MANBA: variants seen among roughly 807,000 people sequenced by gnomAD.
The protein encoded by MANBA is mannosidase beta, also known as beta-mannosidase.
A neutral mutation model predicts 111.1 loss-of-function variants in MANBA; 83 were observed. That is an observed-to-expected ratio of 0.75 (90% CI 0.63 to 0.90). The LOEUF is 0.90. MANBA is among the 40% of genes least tolerant of loss of function. The pLI is 0.00. For missense variants in MANBA, 1,036 were observed against 1,069.0 expected, an observed-to-expected ratio of 0.97 and a Z score of 0.43; for synonymous variants, 370 against 378.7, an observed-to-expected ratio of 0.98 and a Z score of 0.27.
At chr4:102,754,632 T>C (rs1250639253) in intron 1 of MANBA, among the ~76,000 whole-genome samples, 2 of 151,894 alleles carry the variant, frequency 1.3e-5, no homozygotes, top group South Asian at 2.1e-4. Context: ...TCTTGGCTCA[T>C]TGCAAGCTCC....
At chr4:102,666,130 C>T (rs1731209337) in intron 10 of MANBA, 1 of 152,180 alleles carries the variant, frequency 6.6e-6, no homozygotes, top group South Asian at 2.1e-4. Flanking sequence ...TCAGTAGCAC[C>T]GTGTTACACA....
At chr4:102,751,020 T>A (rs1461641133) in intron 1 of MANBA, among the ~76,000 whole-genome samples, 3 of 152,222 alleles carry the variant, frequency 2.0e-5, no homozygotes, top group Non-Finnish European at 4.4e-5. Flanking sequence ...AGGTGATGGA[T>A]ACATGAAATT....
intron 5 of MANBA, among the ~76,000 whole-genome samples, chr4:102,705,561 TACCTGGAGCG>T (rs1359619794): frequency 6.6e-6 from 1 of 152,152 alleles, no homozygotes; most frequent in Non-Finnish European, 1.5e-5. Flanking sequence ...TTATCTCCAC[TACCTGGAGCG>T]AAAGTGCATG....
chr4:102,735,195 G>A (rs768691941), intron 1 of MANBA, among the ~76,000 whole-genome samples: 2 of 152,168 alleles, frequency 1.3e-5, no homozygotes, highest in African/African-American at 4.8e-5. Flanking sequence ...CCCAGGCCAG[G>A]GTAGGCAGTG....
intron 1 of MANBA, chr4:102,730,471 G>C (rs547666594): frequency 7.7e-6 from 4 of 518,534 alleles, no homozygotes; most frequent in Non-Finnish European, 1.5e-5. Flanking sequence ...TGCACTGCGG[G>C]GGCGGTTCCT....
chr4:102,689,377 T>C (rs1172185563), intron 7 of MANBA, among the ~76,000 whole-genome samples, 197 bp downstream of exon 7: 1 of 103,188 alleles, frequency 9.7e-6, no homozygotes, highest in Non-Finnish European at 2.2e-5. Context: ...TATATATATA[T>C]ATGTGTGTGT....
intron 5 of MANBA, among the ~76,000 whole-genome samples, chr4:102,696,770 C>CT (rs1049674212): frequency 1.3e-5 from 2 of 152,144 alleles, no homozygotes; most frequent in African/African-American, 4.8e-5. Flanking sequence ...CTTCCTCCAT[C>CT]TTTAATAGAG....
intron 7 of MANBA, among the ~76,000 whole-genome samples, chr4:102,677,808 T>C (rs964359013): frequency 2.6e-5 from 4 of 152,194 alleles, no homozygotes; most frequent in African/African-American, 9.7e-5. Flanking sequence ...TGTAAAACTG[T>C]CATTATTTCC....
chr4:102,737,733 C>T (rs898112984), intron 1 of MANBA, among the ~76,000 whole-genome samples: 14 of 152,130 alleles, frequency 9.2e-5, no homozygotes, highest in East Asian at 7.7e-4. Flanking sequence ...CCGCCCGCCT[C>T]GGCCTCCCAA....
intron 1 of MANBA, among the ~76,000 whole-genome samples, chr4:102,734,975 T>G (rs1723158198): frequency 6.6e-6 from 1 of 152,164 alleles, no homozygotes; most frequent in South Asian, 2.1e-4. Context: ...CATTTTGGAG[T>G]CATTATCTAA....
chr4:102,731,298 C>T (rs1259046548), intron 1 of MANBA, among the ~76,000 whole-genome samples: 2 of 152,192 alleles, frequency 1.3e-5, no homozygotes, highest in Admixed American at 6.5e-5. Context: ...TCTCATTGCC[C>T]TGTGGTTCTC....
At chr4:102,660,940 C>T (rs1422060211) in intron 11 of MANBA, among the ~76,000 whole-genome samples, 2 of 151,934 alleles carry the variant, frequency 1.3e-5, no homozygotes, top group Non-Finnish European at 2.9e-5. Flanking sequence ...TTCCTCCTCT[C>T]CCCCAAAATG....
chr4:102,690,924 A>C (rs113457530), intron 5 of MANBA, 153 bp from the exon 6 acceptor site: 2 of 233,880 alleles, frequency 8.6e-6, no homozygotes, highest in Non-Finnish European at 1.6e-5. Flanking sequence ...ACTTCGTGGA[A>C]ATTTTCTTTT....
chr4:102,666,679 T>C (rs570588035), intron 10 of MANBA: 127 of 152,314 alleles, frequency 8.3e-4, no homozygotes, highest in African/African-American at 2.9e-3. Flanking sequence ...TCTTACACCT[T>C]ACCCAGAGGT....
In MANBA at chr4:102,760,772, G is replaced by A. The variant is rs769798393; in HGVS notation, c.123C>T (p.Pro41=). Residue 41 remains proline, a synonymous_variant, in exon 1 of 17, where the codon CCC becomes CCT. Transcript: ENST00000647097. The part of the protein sequence containing the change: ...ICNGNGSLEL[P]GAVPGCVHSA... The stretch of plus-strand genomic sequence containing the variant: ...TGTGCACGCAGCCAGGGACCGCCCC[G>A]GGCAGCTCCAGCGAGCCGTTCCCAT... 3 of 1,551,412 alleles carry A rather than the reference G, an allele frequency of 1.9e-6. No individual in the cohort carries two copies. Among genetic ancestry groups the A allele is most frequent in the African/African-American group, 1.4e-5 (1 of 73,300 alleles).
intron 13 of MANBA, among the ~76,000 whole-genome samples, chr4:102,647,995 T>C (rs1730175195): frequency 6.6e-6 from 1 of 152,116 alleles, no homozygotes; most frequent in Non-Finnish European, 1.5e-5. Context: ...TCAGATCAAC[T>C]TTATTATTGG....
intron 6 of MANBA, 61 bp from the exon 7 acceptor site, chr4:102,689,745 G>A (rs537110098): frequency 1.1e-6 from 1 of 931,146 alleles, no homozygotes; most frequent in South Asian, 1.3e-5. Context: ...AAGGCTCAAA[G>A]CATTACATCA....
intron 11 of MANBA, among the ~76,000 whole-genome samples, chr4:102,661,702 T>C (rs1329491271): frequency 6.6e-6 from 1 of 152,230 alleles, no homozygotes; most frequent in Non-Finnish European, 1.5e-5. Context: ...GCTTTGACGA[T>C]GCATTATAAT....
In MANBA at chr4:102,669,056, A is replaced by T; in HGVS notation, c.1231-7T>A. On this transcript the variant is annotated splice_polypyrimidine_tract_variant and splice_region_variant and intron_variant, in intron 9 of 16. Transcript: ENST00000647097. ...ACATAAAATCCTGCCATACCTAGCA[A>T]ATCAAATAAAAGGGAATGCAACACT... 6.2e-7 allele frequency: 1 copy of T among 1,601,344 alleles called. No homozygotes were observed. The highest frequency in any genetic ancestry group is 8.6e-7 in the Non-Finnish European group (1 of 1,169,004).
Sources: gnomAD v4.1 joint callset for allele counts (sites outside exome capture counted in the v4.1 genomes callset) on GRCh38, gnomAD v4.1.1 for gene constraint, MANE v1.5 for transcripts, NCBI Gene and HGNC (gene_info 2026-07-23, HGNC 2026-07-21) for gene names.